AGPS: variants seen among roughly 807,000 people sequenced by gnomAD.
AGPS encodes the protein alkyldihydroxyacetonephosphate synthase, peroxisomal.
AGPS carries 26 observed loss-of-function variants against 90.7 expected under a neutral mutation model. The observed-to-expected ratio is 0.29, with a 90% CI of 0.21 to 0.40. The LOEUF (loss-of-function observed/expected upper bound fraction) is 0.40. AGPS is among the 10% of genes least tolerant of loss of function. The pLI is 1.00. For missense variants in AGPS, 540 were observed against 816.1 expected (o/e 0.66, Z 4.12); for synonymous variants, 294 against 285.3 (o/e 1.03, Z -0.31).
chr2:177,514,844 T>C (rs1274709531), intron 17 of AGPS, among the ~76,000 whole-genome samples: 2 of 152,038 alleles, frequency 1.3e-5, no homozygotes, highest in African/African-American at 4.8e-5. Flanking sequence ...ACACCTTAAA[T>C]GTTCATTTCA....
At chr2:177,488,147 C>T (rs1305034742) in intron 11 of AGPS, among the ~76,000 whole-genome samples, 1 of 151,948 alleles carries the variant, frequency 6.6e-6, no homozygotes, top group Non-Finnish European at 1.5e-5. Flanking sequence ...AATTTGTCTA[C>T]ATTTTAAGTT....
chr2:177,538,532 T>C lies in AGPS; in HGVS notation c.*337T>C. 1 of 337,436 alleles carries C rather than the reference T, an allele frequency of 3.0e-6. No individual in the cohort carries two copies. Among genetic ancestry groups the C allele is most frequent in the Non-Finnish European group, 5.6e-6 (1 of 178,786 alleles). 20.9% of individuals were successfully genotyped at this position (337,436 alleles called of 1,614,324 possible). On this transcript the variant is annotated 3_prime_UTR_variant, in exon 20 of 20. Coordinates refer to ENST00000264167, the MANE Select transcript of AGPS (RefSeq NM_003659.4). ...TCCTCTTGGGGAACAAAGACAGATT[T>C]GGTATCATTGATTGCTCAGCTAGCC...
chr2:177,438,063 C>T lies in AGPS; in HGVS notation c.637+1009C>T, dbSNP rs180716505. 2.2e-3 allele frequency among the ~76,000 whole-genome samples: 333 copies of T among 152,224 alleles called. 1 individual carries two copies. Among genetic ancestry groups the T allele is most frequent in the Middle Eastern group, 0.02 (6 of 294 alleles). On this transcript the variant is annotated intron_variant, in intron 5 of 19. Coordinates refer to ENST00000264167, the MANE Select transcript of AGPS (RefSeq NM_003659.4). ...TAGAAGAAATATTTTTGTTTTGCTT[C>T]CTTGCTTTTTAGTAGCTTTAGGTTA...
Position 177,488,136 on chromosome 2 carries a change from G to C in AGPS, c.1234-5012G>C, listed in dbSNP as rs151255547. On this transcript the variant is annotated intron_variant, in intron 11 of 19. Coordinates refer to ENST00000264167, the MANE Select transcript of AGPS (RefSeq NM_003659.4). ...AACTCTGACTTATTAGTTAGAAGAA[G>C]AATTTGTCTACATTTTAAGTTTTTA... is the stretch of plus-strand genomic sequence containing the variant. Among the ~76,000 whole-genome samples the C allele has an allele frequency of 1.4e-3, 208 of 152,006 alleles. 1 individual carries two copies. Among genetic ancestry groups the C allele is most frequent in the African/African-American group, 4.9e-3 (205 of 41,462 alleles).
chr2:177,533,966 G>A (rs1199086282), intron 19 of AGPS, among the ~76,000 whole-genome samples: 1 of 152,198 alleles, frequency 6.6e-6, no homozygotes, highest in African/African-American at 2.4e-5. Context: ...GTCTACTTCT[G>A]AGCTTCACCT....
chr2:177,477,420 A>G (rs1687813862), intron 10 of AGPS, among the ~76,000 whole-genome samples: 1 of 152,146 alleles, frequency 6.6e-6, no homozygotes, highest in Non-Finnish European at 1.5e-5. Flanking sequence ...AAGGAGAGCA[A>G]GTACAGGTTG....
chr2:177,502,506 C>G (rs1412147500), intron 14 of AGPS, among the ~76,000 whole-genome samples: 1 of 150,216 alleles, frequency 6.7e-6, no homozygotes, highest in African/African-American at 2.5e-5. Flanking sequence ...GCCTCAGCCT[C>G]CCTGGGCTCA....
intron 2 of AGPS, among the ~76,000 whole-genome samples, chr2:177,423,852 C>A (rs1686000404): frequency 6.6e-6 from 1 of 152,108 alleles, no homozygotes; most frequent in South Asian, 2.1e-4. Flanking sequence ...TTATCACTTA[C>A]CACTCTTATT....
intron 1 of AGPS, among the ~76,000 whole-genome samples, chr2:177,408,967 G>C (rs1685543597): frequency 6.6e-6 from 1 of 152,150 alleles, no homozygotes; most frequent in African/African-American, 2.4e-5. Flanking sequence ...CAAGGACTCT[G>C]CTTTTAAAGT....
At chr2:177,394,679 C>G (rs2105578838) in intron 1 of AGPS, among the ~76,000 whole-genome samples, 1 of 152,290 alleles carries the variant, frequency 6.6e-6, no homozygotes, top group Middle Eastern at 3.4e-3. Context: ...ACCGTTACAG[C>G]TCTATGATCT....
intron 19 of AGPS, among the ~76,000 whole-genome samples, chr2:177,533,890 A>T (rs932248490): frequency 2.6e-5 from 4 of 152,218 alleles, no homozygotes; most frequent in Admixed American, 2.6e-4. Flanking sequence ...GATATCCAGG[A>T]TACTCAAACT....
chr2:177,494,037 GA>G (rs1688343935), intron 12 of AGPS, among the ~76,000 whole-genome samples: 1 of 152,162 alleles, frequency 6.6e-6, no homozygotes. Context: ...GTGGTCTTGG[GA>G]AAAAGATATG....
At chr2:177,433,822 TC>T (rs1403025060) in intron 2 of AGPS, among the ~76,000 whole-genome samples, 4 of 152,118 alleles carry the variant, frequency 2.6e-5, no homozygotes, top group Non-Finnish European at 5.9e-5. Context: ...CAGTATGTAT[TC>T]TATACATGCT....
chr2:177,397,326 T>C (rs1685209445), intron 1 of AGPS, among the ~76,000 whole-genome samples: 1 of 152,178 alleles, frequency 6.6e-6, no homozygotes, highest in African/African-American at 2.4e-5. Context: ...TCTTGGATCC[T>C]CCCTTTTTCC....
intron 8 of AGPS, among the ~76,000 whole-genome samples, chr2:177,454,687 T>C (rs1200920605): frequency 2.6e-5 from 4 of 152,130 alleles, no homozygotes; most frequent in African/African-American, 9.7e-5. Context: ...TTTTCAGTTC[T>C]ACAAATATTC....
At chr2:177,515,465 C>T (rs1688995626) in intron 17 of AGPS, among the ~76,000 whole-genome samples, 1 of 151,030 alleles carries the variant, frequency 6.6e-6, no homozygotes, top group South Asian at 2.1e-4. Flanking sequence ...TTTTACCCTT[C>T]CCCCTTCTTC....
In AGPS at chr2:177,484,902, C is replaced by T. The variant is rs571308836; in HGVS notation, c.1233+2716C>T. On this transcript the variant is annotated intron_variant, in intron 11 of 19. Transcript: ENST00000264167. Reference sequence around the variant, plus strand: ...ACCTCAGCTTCCTGAATAGCTGGGACCATAGGCACACACCACTATACCTGG... The same window carrying T: ...ACCTCAGCTTCCTGAATAGCTGGGATCATAGGCACACACCACTATACCTGG... Among the ~76,000 whole-genome samples the T allele has an allele frequency of 3.8e-4, 58 of 152,168 alleles. No homozygotes were observed. The Middle Eastern group carries it at 0.01, about 27-fold the overall frequency.
At chr2:177,414,236 C>T (rs1325089333) in intron 1 of AGPS, among the ~76,000 whole-genome samples, 1 of 151,810 alleles carries the variant, frequency 6.6e-6, no homozygotes, top group Non-Finnish European at 1.5e-5. Flanking sequence ...TGAGACAGGA[C>T]CTCACTCTGT....
chr2:177,467,142 G>A (rs1251108735), intron 9 of AGPS, among the ~76,000 whole-genome samples: 2 of 152,008 alleles, frequency 1.3e-5, no homozygotes, highest in African/African-American at 2.4e-5. Flanking sequence ...ATCACTTCTA[G>A]AACTGTTTCT....
Sources: allele counts gnomAD v4.1 joint callset (sites outside exome capture counted in the v4.1 genomes callset), GRCh38; gene constraint gnomAD v4.1.1; transcripts MANE v1.5; gene names NCBI Gene and HGNC (gene_info 2026-07-23, HGNC 2026-07-21).